GPC6: variants seen among roughly 807,000 people sequenced by gnomAD.
GPC6 encodes glypican-6.
In GPC6, 14 loss-of-function variants were observed where a neutral mutation model predicts 55.2. That is an observed-to-expected ratio of 0.25 (90% CI 0.17 to 0.40). The LOEUF (loss-of-function observed/expected upper bound fraction) is 0.40. Among genes scored for constraint, GPC6 ranks in the 10% least tolerant of loss-of-function variants. The pLI, the probability that GPC6 is intolerant of heterozygous loss-of-function variation, is 1.00. For synonymous variants in GPC6, 278 were observed against 259.6 expected (o/e 1.07, Z -0.68); for missense variants, 641 against 708.5 (o/e 0.90, Z 1.08).
chr13:93,976,573 T>C (rs957761335), intron 3 of GPC6, among the ~76,000 whole-genome samples: 1 of 150,228 alleles, frequency 6.7e-6, no homozygotes, highest in African/African-American at 2.4e-5. Flanking sequence ...ATTTGAGAGA[T>C]CGCTTCTTAA....
rs1449172475 is a variant in GPC6 at position 93,262,489 on chromosome 13, TG to T, written c.160+34875del. Among the ~76,000 whole-genome samples, 9 of 152,314 alleles carry T rather than the reference TG, an allele frequency of 5.9e-5. No individual in the cohort carries two copies. In the East Asian group the frequency reaches 1.7e-3, roughly 29 times the overall value. On this transcript the variant is annotated intron_variant, in intron 1 of 8. Coordinates refer to ENST00000377047, the MANE Select transcript of GPC6 (RefSeq NM_005708.5). Reference sequence around the variant, plus strand: ...CATTTTCAAAAATTTATTTATGAATTGGTAACACAGAAATACTCAAGTGATA... The same window carrying T: ...CATTTTCAAAAATTTATTTATGAATTGTAACACAGAAATACTCAAGTGATA...
intron 2 of GPC6, among the ~76,000 whole-genome samples, chr13:93,601,354 GC>G (rs1424214096): frequency 6.6e-6 from 1 of 152,104 alleles, no homozygotes; most frequent in African/African-American, 2.4e-5. Flanking sequence ...CTACATTCCA[GC>G]CTGGGTGACA....
At chr13:93,431,631 T>C (rs1877362341) in intron 1 of GPC6, among the ~76,000 whole-genome samples, 1 of 152,076 alleles carries the variant, frequency 6.6e-6, no homozygotes, top group South Asian at 2.1e-4. Flanking sequence ...ATCCTTAAAG[T>C]CTTAAAATCT....
intron 4 of GPC6, among the ~76,000 whole-genome samples, chr13:94,274,000 T>C (rs1387495701): frequency 1.3e-5 from 2 of 152,216 alleles, no homozygotes; most frequent in Non-Finnish European, 2.9e-5. Context: ...ACATTCATGA[T>C]TTACAAGGCC....
intron 3 of GPC6, among the ~76,000 whole-genome samples, chr13:93,931,677 T>C (rs1313319025): frequency 7.0e-6 from 1 of 142,296 alleles, no homozygotes; most frequent in African/African-American, 2.7e-5. Context: ...GGCGGAAGAG[T>C]CACTTGAACC....
At position 94,175,923 on chromosome 13, in the gene GPC6, G is replaced by T. The variant is rs144598841; in HGVS notation, c.878-110426G>T. Among the ~76,000 whole-genome samples, 977 of 141,340 alleles carry T rather than the reference G, an allele frequency of 6.9e-3. 15 individuals are homozygous for T. Among genetic ancestry groups the T allele is most frequent in the Non-Finnish European group, 9.6e-3 (634 of 65,910 alleles). The allele number at this position is 141,340 out of a possible 152,430, so 92.7% of individuals were successfully genotyped here. On this transcript the variant is annotated intron_variant, in intron 4 of 8. Coordinates refer to ENST00000377047, the MANE Select transcript of GPC6 (RefSeq NM_005708.5). ...TATATATATATTTTCCCAAAAGGGAGTATCCAAATGAGCCATATATATATA... is the reference window on the plus strand; with the variant it reads ...TATATATATATTTTCCCAAAAGGGATTATCCAAATGAGCCATATATATATA...
chr13:94,379,988 G>A (rs11617002), intron 6 of GPC6, among the ~76,000 whole-genome samples: 9,605 of 152,222 alleles, frequency 0.063, 406 homozygotes, highest in Non-Finnish European at 0.092. Flanking sequence ...AACGCACCCC[G>A]AAGAAGACAA....
chr13:93,978,941 A>G (rs1323433151), intron 3 of GPC6, among the ~76,000 whole-genome samples: 2 of 152,132 alleles, frequency 1.3e-5, no homozygotes, highest in Non-Finnish European at 2.9e-5. Context: ...GGTGTTTAAT[A>G]CTGACACCAT....
intron 3 of GPC6, among the ~76,000 whole-genome samples, chr13:93,961,540 T>C (rs552405095): frequency 1.3e-4 from 20 of 152,368 alleles, no homozygotes; most frequent in African/African-American, 4.8e-4. Flanking sequence ...TATTGTTATA[T>C]TGTTGACATA....
At chr13:93,732,273 T>C (rs1396767711) in intron 2 of GPC6, among the ~76,000 whole-genome samples, 1 of 152,084 alleles carries the variant, frequency 6.6e-6, no homozygotes, top group African/African-American at 2.4e-5. Flanking sequence ...GAATAAGACA[T>C]TTTGTGCATC....
intron 1 of GPC6, among the ~76,000 whole-genome samples, chr13:93,479,655 G>A (rs1250723333): frequency 1.3e-5 from 2 of 151,956 alleles, no homozygotes; most frequent in African/African-American, 4.8e-5. Flanking sequence ...TAGGTGTGGT[G>A]GTATGCTATC....
chr13:93,822,701 GT>G (rs1382503342), intron 2 of GPC6, among the ~76,000 whole-genome samples: 1 of 151,436 alleles, frequency 6.6e-6, no homozygotes, highest in Non-Finnish European at 1.5e-5. Flanking sequence ...GCAGTGTTTG[GT>G]TTTCTGCTCT....
intron 1 of GPC6, among the ~76,000 whole-genome samples, chr13:93,230,257 C>T (rs940586897): frequency 6.6e-6 from 1 of 152,096 alleles, no homozygotes; most frequent in Admixed American, 6.5e-5. Flanking sequence ...CATTATGTTT[C>T]ATCATGACAT....
chr13:94,316,817 T>G (rs1037572092), intron 6 of GPC6, among the ~76,000 whole-genome samples: 1 of 152,218 alleles, frequency 6.6e-6, no homozygotes, highest in Admixed American at 6.5e-5. Flanking sequence ...GCTTTGATAT[T>G]GCACATTGTG....
chr13:93,988,444 T>C lies in GPC6; in HGVS notation c.712-39285T>C, dbSNP rs1336235199. The stretch of plus-strand genomic sequence containing the variant: ...TAGAGAAGCACTATATAAGTTAATA[T>C]ACTTAATGCATTACGTTAAATGATT... On this transcript the variant is annotated intron_variant, in intron 3 of 8. Coordinates refer to ENST00000377047, the MANE Select transcript of GPC6 (RefSeq NM_005708.5). Among the ~76,000 whole-genome samples, 3 of 152,176 alleles carry C rather than the reference T, an allele frequency of 2.0e-5. No homozygotes were observed. The East Asian group carries it at 5.8e-4, about 29-fold the overall frequency.
chr13:93,727,008 C>A (rs948000526), intron 2 of GPC6, among the ~76,000 whole-genome samples: 1 of 151,944 alleles, frequency 6.6e-6, no homozygotes, highest in Non-Finnish European at 1.5e-5. Flanking sequence ...AAATAGGGCT[C>A]CATTTACTCA....
rs140940507 is a variant in GPC6, at chr13:94,276,799, A to G, written c.878-9550A>G. Among the ~76,000 whole-genome samples, 1,256 of 152,272 alleles carry G rather than the reference A, an allele frequency of 8.2e-3. 17 individuals carry two copies. The highest frequency in any genetic ancestry group is 0.028 in the African/African-American group (1,153 of 41,548). Reference sequence around the variant, plus strand: ...CCTTTTTATGACTGCATAGTATTCCATGGTGTATATGTACCACATTTTCTT... The same window carrying G: ...CCTTTTTATGACTGCATAGTATTCCGTGGTGTATATGTACCACATTTTCTT... On this transcript the variant is annotated intron_variant, in intron 4 of 8. Coordinates refer to ENST00000377047, the MANE Select transcript of GPC6 (RefSeq NM_005708.5).
In GPC6 at chr13:94,305,846, T is replaced by G. The variant is rs10492630; in HGVS notation, c.1009-134T>G. 6 of 838,728 alleles carry G rather than the reference T, an allele frequency of 7.2e-6. No homozygotes were observed. The African/African-American group carries it at 1.0e-4, about 14-fold the overall frequency. The allele number at this position is 838,728 out of a possible 1,614,324, so 52.0% of individuals were successfully genotyped here. Reference sequence around the variant, plus strand: ...ATATTAGTGGTTATACTTGTTTACATTTCAAAATTAGAGTTTATTGGAGGT... The same window carrying G: ...ATATTAGTGGTTATACTTGTTTACAGTTCAAAATTAGAGTTTATTGGAGGT... On this transcript the variant is annotated intron_variant, in intron 5 of 8. Coordinates refer to ENST00000377047, the MANE Select transcript of GPC6 (RefSeq NM_005708.5).
intron 4 of GPC6, among the ~76,000 whole-genome samples, chr13:94,157,974 T>A (rs190938124): frequency 1.9e-4 from 29 of 152,238 alleles, no homozygotes; most frequent in Admixed American, 1.1e-3. Context: ...TACCATGGAC[T>A]AAGAGAAAGA....
Sources: allele counts gnomAD v4.1 joint callset (sites outside exome capture counted in the v4.1 genomes callset), GRCh38; gene constraint gnomAD v4.1.1; transcripts MANE v1.5; gene names NCBI Gene and HGNC (gene_info 2026-07-23, HGNC 2026-07-21).